NRCAM: variants seen among roughly 807,000 people sequenced by gnomAD.
NRCAM encodes neuronal cell adhesion molecule, also known as NgCAM-related cell adhesion molecule.
A neutral mutation model predicts 156.5 loss-of-function variants in NRCAM; 83 were observed. That is an observed-to-expected ratio of 0.53 (90% CI 0.44 to 0.64). NRCAM has a LOEUF of 0.64. NRCAM is among the 30% of genes least tolerant of loss of function. NRCAM has a pLI of 0.00. For synonymous variants in NRCAM, 538 were observed against 563.9 expected (o/e 0.95, Z 0.65); for missense variants, 1,417 against 1,597.3 (o/e 0.89, Z 1.92).
rs1385792282 is a variant in NRCAM, at chr7:108,148,157, T to C, written c.*1753A>G. On this transcript the variant is annotated 3_prime_UTR_variant, in exon 33 of 33. Transcript: ENST00000379028. ...AAGCTCTGAAGATTTCATCGAAAAA[T>C]CTGCTGTCAATACGTAGAAAAGTTC... 6.6e-6 allele frequency: 1 copy of C among 152,466 alleles called. No homozygotes were observed. The highest frequency in any genetic ancestry group is 1.5e-5 in the Non-Finnish European group (1 of 68,008). 9.4% of individuals were successfully genotyped at this position (152,466 alleles called of 1,614,324 possible).
intron 3 of NRCAM, among the ~76,000 whole-genome samples, chr7:108,257,040 AAAG>A (rs2096706686): frequency 1.3e-5 from 2 of 148,664 alleles, no homozygotes; most frequent in South Asian, 2.1e-4. Context: ...AAGAAAAAGA[AAAG>A]AAGGAAGGGA....
chr7:108,188,402 TATATAC>T (rs2068663622), intron 20 of NRCAM, among the ~76,000 whole-genome samples: 1 of 151,682 alleles, frequency 6.6e-6, no homozygotes, highest in Non-Finnish European at 1.5e-5. Context: ...TGTGTGTGTA[TATATAC>T]ATATGTTTAC....
In NRCAM at chr7:108,388,571, C is replaced by T. The variant is rs140902455; in HGVS notation, c.-174+10865G>A. Among the ~76,000 whole-genome samples, 731 of 152,220 alleles carry T rather than the reference C, an allele frequency of 4.8e-3. 7 individuals carry two copies. The highest frequency in any genetic ancestry group is 0.017 in the African/African-American group (704 of 41,518). The stretch of plus-strand genomic sequence containing the variant: ...AGAAGCTCTTTAGTTTGATTAGATC[C>T]CATTTGTCAATTTTGGCTTTTGTCG... On this transcript the variant is annotated intron_variant, in intron 2 of 32. Transcript: ENST00000379028.
intron 3 of NRCAM, among the ~76,000 whole-genome samples, chr7:108,265,704 G>C (rs770202245): frequency 4.6e-5 from 7 of 152,218 alleles, no homozygotes; most frequent in Non-Finnish European, 1.0e-4. Flanking sequence ...AGTTCTCTGA[G>C]ATAGGTATTA....
At chr7:108,407,519 G>A (rs2099810493) in intron 1 of NRCAM, among the ~76,000 whole-genome samples, 2 of 152,192 alleles carry the variant, frequency 1.3e-5, no homozygotes, top group South Asian at 4.1e-4. Context: ...TTCAGGCCAA[G>A]TACCTGCTCA....
intron 3 of NRCAM, among the ~76,000 whole-genome samples, chr7:108,294,953 C>T (rs1189097637): frequency 6.6e-6 from 1 of 152,202 alleles, no homozygotes; most frequent in Non-Finnish European, 1.5e-5. Context: ...ACATTTGCAT[C>T]ACCACACATG....
At chr7:108,386,725 T>G (rs1180343794) in intron 2 of NRCAM, among the ~76,000 whole-genome samples, 1 of 152,178 alleles carries the variant, frequency 6.6e-6, no homozygotes, top group African/African-American at 2.4e-5. Context: ...ATACAAGGTG[T>G]GTATGCACAC....
intron 10 of NRCAM, among the ~76,000 whole-genome samples, chr7:108,225,439 T>C (rs768524805): frequency 3.9e-5 from 6 of 152,222 alleles, no homozygotes; most frequent in Non-Finnish European, 8.8e-5. Flanking sequence ...GTTTCATTAT[T>C]ACACATACAT....
intron 2 of NRCAM, among the ~76,000 whole-genome samples, chr7:108,375,253 G>T (rs2099669464): frequency 6.6e-6 from 1 of 152,048 alleles, no homozygotes; most frequent in African/African-American, 2.4e-5. Context: ...CATTTAGAAT[G>T]TGTTCAGTAT....
chr7:108,226,519 G>T, intron 8 of NRCAM, 141 bp from the exon 9 acceptor site: 1 of 371,062 alleles, frequency 2.7e-6, no homozygotes, highest in Non-Finnish European at 4.5e-6. Flanking sequence ...TTGGGTAAAA[G>T]CAAATAACTG....
intron 2 of NRCAM, among the ~76,000 whole-genome samples, chr7:108,323,094 A>C (rs181548556): frequency 7.5e-4 from 114 of 152,314 alleles, no homozygotes; most frequent in Non-Finnish European, 5.0e-4. Context: ...CTATCATAAT[A>C]AGGAATTCAG....
At chr7:108,300,173 T>TG (rs922603191) in intron 3 of NRCAM, among the ~76,000 whole-genome samples, 3 of 142,066 alleles carry the variant, frequency 2.1e-5, no homozygotes, top group African/African-American at 8.4e-5. Context: ...TTTTTTTTTT[T>TG]TTTTTTTTTT....
chr7:108,194,321 G>A lies in NRCAM; in HGVS notation c.1571C>T (p.Thr524Met), dbSNP rs750362864. ...CCCTAATTTATTCCTTGCAACACAC[G>A]TATAAGTTCCTGTACTGTCCTTTTG... The part of the protein sequence containing the change: ...VAQKDSTGTY[T>M]CVARNKLGMA... Residue 524 changes from threonine (T) to methionine (M), a missense_variant, in exon 16 of 33, where the codon ACG (threonine) becomes ATG (methionine). Physicochemically the swap from Thr to Met is moderately conservative, Grantham distance 81 (BLOSUM62 -1). This residue lies in a region of NRCAM where 1,238 missense variants were observed against 1,336.4 expected (regional missense o/e 0.93). Coordinates refer to ENST00000379028, the MANE Select transcript of NRCAM (RefSeq NM_001037132.4). The A allele has an allele frequency of 1.2e-5, 20 of 1,613,526 alleles. No homozygotes were observed. The highest frequency in any genetic ancestry group is 1.2e-4 in the South Asian group (11 of 91,028).
intron 2 of NRCAM, among the ~76,000 whole-genome samples, chr7:108,314,789 G>T (rs2098871670): frequency 6.6e-6 from 1 of 152,118 alleles, no homozygotes; most frequent in African/African-American, 2.4e-5. Flanking sequence ...AACATTCAAT[G>T]CAACTGAAAA....
chr7:108,415,389 T>G (rs1303599333), intron 1 of NRCAM, among the ~76,000 whole-genome samples: 7 of 152,160 alleles, frequency 4.6e-5, no homozygotes, highest in Non-Finnish European at 8.8e-5. Flanking sequence ...TTCAATCTGG[T>G]TTTTGTGTCG....
At chr7:108,411,198 T>TTC (rs901004142) in intron 1 of NRCAM, among the ~76,000 whole-genome samples, 23 of 152,326 alleles carry the variant, frequency 1.5e-4, no homozygotes, top group African/African-American at 5.3e-4. Flanking sequence ...ACCTGTGGAT[T>TTC]TCTCTCCAAT....
chr7:108,171,884 G>T (rs960285473), intron 28 of NRCAM, among the ~76,000 whole-genome samples: 16 of 151,980 alleles, frequency 1.1e-4, no homozygotes, highest in African/African-American at 3.9e-4. Context: ...TTTCGTATAG[G>T]CCAAAAAAGG....
chr7:108,346,774 A>C lies in NRCAM; in HGVS notation c.-173-34043T>G, dbSNP rs531706478. Among the ~76,000 whole-genome samples, 7 of 152,194 alleles carry C rather than the reference A, an allele frequency of 4.6e-5. 1 individual carries two copies. The South Asian group carries it at 1.2e-3, about 27-fold the overall frequency. On this transcript the variant is annotated intron_variant, in intron 2 of 32. Coordinates refer to ENST00000379028, the MANE Select transcript of NRCAM (RefSeq NM_001037132.4). ...CAGTAATCACTAACCACAGGTGGCA[A>C]TTAAGCCCGTGAAATGTGGCTGGTC... is the stretch of plus-strand genomic sequence containing the variant.
At chr7:108,185,899 A>G (rs1158900683) in intron 20 of NRCAM, among the ~76,000 whole-genome samples, 1 of 152,224 alleles carries the variant, frequency 6.6e-6, no homozygotes, top group Non-Finnish European at 1.5e-5. Context: ...ACAAATAAAC[A>G]GACATATTCA....
Sources: gnomAD v4.1 joint callset for allele counts (sites outside exome capture counted in the v4.1 genomes callset) on GRCh38, gnomAD v4.1.1 for gene constraint, gnomAD v4.1.1 regional missense constraint, MANE v1.5 for transcripts, NCBI Gene and HGNC (gene_info 2026-07-23, HGNC 2026-07-21) for gene names.